Variants in ARHGAP32 observed in about 807,000 individuals in gnomAD.
ARHGAP32 encodes Rho GTPase activating protein 32, also known as rho GTPase-activating protein 32.
ARHGAP32 carries 51 observed loss-of-function variants against 186.5 expected under a neutral mutation model. That is an observed-to-expected ratio of 0.27 (90% CI 0.22 to 0.35). The LOEUF (loss-of-function observed/expected upper bound fraction) is 0.35, where lower values mean the gene tolerates loss of function less well. Ranked by LOEUF, ARHGAP32 falls within the 10% of genes least tolerant of loss-of-function variation. The pLI is 1.00. For synonymous variants in ARHGAP32, 950 were observed against 964.3 expected, an observed-to-expected ratio of 0.99 and a Z score of 0.27; for missense variants, 2,186 against 2,623.5, an observed-to-expected ratio of 0.83 and a Z score of 3.64.
At chr11:129,252,035 CTAT>C (rs1945192894) in intron 1 of ARHGAP32, among the ~76,000 whole-genome samples, 1 of 151,118 alleles carries the variant, frequency 6.6e-6, no homozygotes, top group African/African-American at 2.4e-5. Flanking sequence ...ATAATATCAA[CTAT>C]TATAATTACA....
intron 14 of ARHGAP32, 83 bp downstream of exon 14, chr11:128,986,441 G>A: frequency 6.8e-7 from 1 of 1,473,928 alleles, no homozygotes; most frequent in Non-Finnish European, 9.4e-7. Context: ...TCTTACATGT[G>A]ACCAAACCAA....
intron 5 of ARHGAP32, among the ~76,000 whole-genome samples, chr11:129,093,939 T>C (rs1941657815): frequency 6.6e-6 from 1 of 152,162 alleles, no homozygotes; most frequent in Admixed American, 6.5e-5. Flanking sequence ...CTTCACTTCC[T>C]TAATCTATTT....
rs774111934 is a variant in ARHGAP32 at position 128,969,496 on chromosome 11, T to C, written c.5717A>G (p.Lys1906Arg). 1 of 1,614,070 alleles carries C rather than the reference T, an allele frequency of 6.2e-7. No individual in the cohort carries two copies. The highest frequency in any genetic ancestry group is 2.2e-5 in the East Asian group (1 of 44,890). Residue 1906 changes from lysine to arginine, a missense_variant, in exon 23 of 23, where the codon AAG becomes AGG. Coordinates refer to ENST00000682385, the MANE Select transcript of ARHGAP32 (RefSeq NM_001378024.1). The surrounding 1 kb of genome is among the most constrained non-coding windows in gnomAD (Gnocchi z 4.8). ...EASHRQFCES[K>R]NGPPYPQGAG... The stretch of plus-strand genomic sequence containing the variant: ...TCCCTGGGGATAAGGGGGCCCATTC[T>C]TTGACTCACAGAACTGCCTATGGCT...
chr11:129,110,555 A>G (rs1373080870), intron 5 of ARHGAP32, among the ~76,000 whole-genome samples: 2 of 152,166 alleles, frequency 1.3e-5, no homozygotes, highest in Non-Finnish European at 2.9e-5. Flanking sequence ...AACAACATTA[A>G]TTCTTCTAAT....
In ARHGAP32 at chr11:129,185,607, TA is replaced by T. The variant is rs1254121125; in HGVS notation, c.116+6475del. 4.0e-5 allele frequency among the ~76,000 whole-genome samples: 6 copies of T among 151,820 alleles called. No individual in the cohort carries two copies. In the East Asian group the frequency reaches 5.8e-4, roughly 15 times the overall value. ...CCTAAAACTTAAAGTATAATAATAA[TA>T]AAAAAATGACACAAATAATTAAATC... On this transcript the variant is annotated intron_variant, in intron 1 of 22. Transcript: ENST00000682385.
chr11:129,242,515 G>A (rs984431660), intron 1 of ARHGAP32, among the ~76,000 whole-genome samples: 1 of 152,036 alleles, frequency 6.6e-6, no homozygotes, highest in African/African-American at 2.4e-5. Flanking sequence ...TCAGGAGATC[G>A]AGACCATCCT....
chr11:129,043,977 C>A (rs934084916), intron 10 of ARHGAP32, among the ~76,000 whole-genome samples: 14 of 151,962 alleles, frequency 9.2e-5, no homozygotes, highest in Admixed American at 7.9e-4. Context: ...AGTGGAAACT[C>A]ATTGGTTTTT....
intron 11 of ARHGAP32, among the ~76,000 whole-genome samples, chr11:129,033,652 A>G (rs1217267063): frequency 1.3e-5 from 2 of 152,186 alleles, no homozygotes; most frequent in Non-Finnish European, 2.9e-5. Context: ...CTATGTCTAA[A>G]GCCAAGGTCA....
At chr11:129,197,732 C>T (rs541887256) in intron 1 of ARHGAP32, among the ~76,000 whole-genome samples, 1 of 152,136 alleles carries the variant, frequency 6.6e-6, no homozygotes, top group Admixed American at 6.5e-5. Context: ...GTAAAAATGT[C>T]ATTCATCATT....
At chr11:128,982,381 C>T (rs1945727394) in intron 15 of ARHGAP32, among the ~76,000 whole-genome samples, 1 of 151,990 alleles carries the variant, frequency 6.6e-6, no homozygotes, top group African/African-American at 2.4e-5. Context: ...TTTACTTAAA[C>T]AATTCCACAT....
chr11:129,043,801 A>AC (rs1344834356), intron 10 of ARHGAP32, among the ~76,000 whole-genome samples: 2 of 152,056 alleles, frequency 1.3e-5, no homozygotes, highest in Admixed American at 1.3e-4. Context: ...GCTGTTTCTT[A>AC]CCATGATTAT....
intron 1 of ARHGAP32, among the ~76,000 whole-genome samples, chr11:129,278,631 G>A (rs747096470): frequency 2.8e-4 from 42 of 152,138 alleles, no homozygotes; most frequent in Non-Finnish European, 5.4e-4. Context: ...GGCAACTTCA[G>A]TCAATCGGAA....
At position 128,973,782 on chromosome 11, in the gene ARHGAP32, G is replaced by A. The variant is rs1945464027; in HGVS notation, c.3073+342C>T. Reference sequence around the variant, plus strand: ...AACAGTTTTTACATTTGATGGTGTAGCTGGCTTGTTAACTTGGAAGGCTAC... The same window carrying A: ...AACAGTTTTTACATTTGATGGTGTAACTGGCTTGTTAACTTGGAAGGCTAC... On this transcript the variant is annotated intron_variant, in intron 21 of 22. Coordinates refer to ENST00000682385, the MANE Select transcript of ARHGAP32 (RefSeq NM_001378024.1). The A allele has an allele frequency of 5.9e-6, 3 of 508,740 alleles. 1 individual carries two copies. The South Asian group carries it at 1.1e-4, about 19-fold the overall frequency. The allele number at this position is 508,740 out of a possible 1,614,324, so 31.5% of individuals were successfully genotyped here.
intron 2 of ARHGAP32, among the ~76,000 whole-genome samples, 158 bp from the exon 3 acceptor site, chr11:129,125,052 A>C (rs563614810): frequency 6.6e-6 from 1 of 152,274 alleles, no homozygotes; most frequent in South Asian, 2.1e-4. Flanking sequence ...AATTATTAAG[A>C]ATATAAATTA....
chr11:128,977,476 A>G (rs756935881), intron 19 of ARHGAP32, among the ~76,000 whole-genome samples: 1 of 151,518 alleles, frequency 6.6e-6, no homozygotes, highest in African/African-American at 2.4e-5. Context: ...ACCTTTAAAC[A>G]TTGCTTCTCT....
At chr11:129,108,942 G>A (rs74873356) in intron 5 of ARHGAP32, among the ~76,000 whole-genome samples, 3 of 151,862 alleles carry the variant, frequency 2.0e-5, no homozygotes, top group Admixed American at 6.6e-5. Flanking sequence ...TCTCTCTTTC[G>A]GCTACTTTGA....
intron 11 of ARHGAP32, among the ~76,000 whole-genome samples, chr11:129,020,771 A>G (rs1938558930): frequency 1.3e-5 from 2 of 152,032 alleles, no homozygotes; most frequent in Non-Finnish European, 1.5e-5. Context: ...TCCTATCCCA[A>G]GTATATGTCA....
chr11:128,988,229 G>A (rs769323926), intron 12 of ARHGAP32, 104 bp from the exon 13 acceptor site: 4 of 844,680 alleles, frequency 4.7e-6, no homozygotes, highest in Non-Finnish European at 3.6e-6. Context: ...AATAAAATTT[G>A]TAAATTAAAG....
In ARHGAP32 at chr11:129,124,192, A is replaced by G. The variant is rs973034569; in HGVS notation, c.318-263T>C. ...AAGTCTAAACACAAAATTCATTTAT[A>G]TTTCAAATACATTTTATACAGAGCC... On this transcript the variant is annotated intron_variant, in intron 3 of 22. Transcript: ENST00000682385. 2.6e-5 allele frequency among the ~76,000 whole-genome samples: 4 copies of G among 152,162 alleles called. No homozygotes were observed. In the East Asian group the frequency reaches 5.8e-4, roughly 22 times the overall value.
Sources: gnomAD v4.1 joint callset for allele counts (sites outside exome capture counted in the v4.1 genomes callset) on GRCh38, gnomAD v4.1.1 for gene constraint, Gnocchi (gnomAD v3.1) non-coding constraint, MANE v1.5 for transcripts, NCBI Gene and HGNC (gene_info 2026-07-23, HGNC 2026-07-21) for gene names.